MICAL3: variants seen among roughly 807,000 people sequenced by gnomAD.
MICAL3 encodes the protein microtubule associated monooxygenase, calponin and LIM domain containing 3.
In MICAL3, 62 loss-of-function variants were observed where a neutral mutation model predicts 207.4. The ratio of observed to expected loss-of-function variants is 0.30; its 90% CI spans 0.24 to 0.37. The LOEUF (loss-of-function observed/expected upper bound fraction) is 0.37, where lower values mean the gene tolerates loss of function less well. Among genes scored for constraint, MICAL3 ranks in the 10% least tolerant of loss-of-function variants. The pLI is 1.00. For missense variants in MICAL3, 2,368 were observed against 2,635.6 expected, an observed-to-expected ratio of 0.90 and a Z score of 2.22; for synonymous variants, 1,077 against 1,069.3, an observed-to-expected ratio of 1.01 and a Z score of -0.14.
intron 1 of MICAL3, among the ~76,000 whole-genome samples, chr22:17,948,074 T>C (rs932501148): frequency 1.3e-5 from 2 of 151,998 alleles, no homozygotes; most frequent in African/African-American, 4.8e-5. Context: ...GCACGAGAGC[T>C]TGAAAGCTCC....
chr22:17,800,037 G>T (rs903404604), intron 29 of MICAL3, among the ~76,000 whole-genome samples: 1 of 151,914 alleles, frequency 6.6e-6, no homozygotes, highest in Admixed American at 6.6e-5. Flanking sequence ...GAACCAAGCT[G>T]ATGGTGGACT....
chr22:17,897,647 G>A lies in MICAL3; in HGVS notation c.949-666C>T, dbSNP rs539849021. ...TTCATTATCTTCTGGGTAGTAAATG[G>A]CTTTTGTCAAATGGGACCACGTGAA... On this transcript the variant is annotated intron_variant, in intron 7 of 31. Transcript: ENST00000441493. Among the ~76,000 whole-genome samples the A allele has an allele frequency of 3.9e-5, 6 of 152,142 alleles. No individual in the cohort carries two copies. In the South Asian group the frequency reaches 1.0e-3, roughly 26 times the overall value.
chr22:17,882,336 T>C (rs1929513431), intron 16 of MICAL3, among the ~76,000 whole-genome samples: 1 of 152,212 alleles, frequency 6.6e-6, no homozygotes, highest in East Asian at 1.9e-4. Context: ...CAGCTATCAC[T>C]GTCCTACCAG....
chr22:17,864,812 T>C, intron 19 of MICAL3, 87 bp downstream of exon 19: 1 of 1,613,902 alleles, frequency 6.2e-7, no homozygotes, highest in Non-Finnish European at 8.5e-7. Flanking sequence ...GAAATGTTGC[T>C]TTGGAGGTGC....
intron 1 of MICAL3, among the ~76,000 whole-genome samples, chr22:17,995,923 G>A (rs1391636706): frequency 2.0e-5 from 3 of 152,020 alleles, no homozygotes; most frequent in Non-Finnish European, 2.9e-5. Flanking sequence ...CACTTTGAGA[G>A]GCTGAGGCAG....
intron 1 of MICAL3, among the ~76,000 whole-genome samples, chr22:17,957,789 T>A (rs967857987): frequency 1.3e-5 from 2 of 151,502 alleles, no homozygotes; most frequent in Non-Finnish European, 2.9e-5. Context: ...AAAGAAACTT[T>A]CTTTCTTTAC....
At chr22:17,869,139 A>G (rs1602097647) in intron 17 of MICAL3, among the ~76,000 whole-genome samples, 1 of 152,154 alleles carries the variant, frequency 6.6e-6, no homozygotes, top group African/African-American at 2.4e-5. Context: ...ACACTGGAGC[A>G]AAGAGTGCAG....
chr22:17,831,763 G>A, intron 21 of MICAL3, 91 bp downstream of exon 21: 1 of 1,491,720 alleles, frequency 6.7e-7, no homozygotes, highest in Non-Finnish European at 9.0e-7. Context: ...ACGTCCGTGT[G>A]ACGTCAGCCC....
At chr22:17,930,998 T>C (rs988942755) in intron 1 of MICAL3, among the ~76,000 whole-genome samples, 2 of 152,168 alleles carry the variant, frequency 1.3e-5, no homozygotes, top group Admixed American at 1.3e-4. Context: ...CCTCCTCCGG[T>C]GGCTCCACCT....
At chr22:17,970,467 A>G (rs531019475) in intron 1 of MICAL3, among the ~76,000 whole-genome samples, 12 of 152,276 alleles carry the variant, frequency 7.9e-5, no homozygotes, top group African/African-American at 2.9e-4. Context: ...GTCAGATAAC[A>G]GAACTCTGCA....
chr22:17,982,111 TA>T lies in MICAL3; in HGVS notation c.-75+42169del, dbSNP rs71184754. On this transcript the variant is annotated intron_variant, in intron 1 of 31. Transcript: ENST00000441493. ...CAGAGCAAGACCTTGTCTCAAAAAA[TA>T]AAAAAAAAAAAATTAATAAGAGGCT... Among the ~76,000 whole-genome samples the T allele has an allele frequency of 8.9e-4, 127 of 143,090 alleles. 1 individual carries two copies. Among genetic ancestry groups the T allele is most frequent in the East Asian group, 6.2e-3 (29 of 4,692 alleles). The allele number at this position is 143,090 out of a possible 152,430, so 93.9% of individuals were successfully genotyped here. A position where few individuals can be genotyped will look rare whatever the true frequency, so the allele number is the denominator to read the frequency against.
At chr22:17,853,365 T>C (rs956303296) in intron 19 of MICAL3, among the ~76,000 whole-genome samples, 8 of 152,176 alleles carry the variant, frequency 5.3e-5, no homozygotes, top group African/African-American at 1.4e-4. Flanking sequence ...CCAGCTTCTG[T>C]TGGCTGAAGA....
chr22:17,981,286 A>AT (rs71317115), intron 1 of MICAL3, among the ~76,000 whole-genome samples: 1,981 of 146,200 alleles, frequency 0.014, 35 homozygotes, highest in African/African-American at 0.046. Context: ...GCTTTCCTAG[A>AT]TTTTTTTTTT....
At position 17,974,903 on chromosome 22, in the gene MICAL3, G is replaced by A. The variant is rs533387277; in HGVS notation, c.-75+49378C>T. Among the ~76,000 whole-genome samples, 4 of 152,274 alleles carry A rather than the reference G, an allele frequency of 2.6e-5. No homozygotes were observed. In the East Asian group the frequency reaches 5.8e-4, roughly 22 times the overall value. ...ATAACCTCATGAGGTAGATTCTGTG[G>A]ATGAAGAAACAGAAATTGAGTCATT... On this transcript the variant is annotated intron_variant, in intron 1 of 31. Transcript: ENST00000441493.
chr22:17,887,476 G>A, intron 13 of MICAL3, 41 bp from the exon 14 acceptor site: 1 of 1,439,100 alleles, frequency 6.9e-7, no homozygotes, highest in Non-Finnish European at 9.7e-7. Flanking sequence ...CAGCCCTTGA[G>A]GGCGCCGCAA....
At chr22:17,870,200 T>A (rs945064186) in intron 17 of MICAL3, among the ~76,000 whole-genome samples, 2 of 152,160 alleles carry the variant, frequency 1.3e-5, no homozygotes, top group Non-Finnish European at 2.9e-5. Context: ...TCATCCTGTC[T>A]CGGCCTCTCA....
chr22:17,797,410 C>T (rs2061888029), intron 29 of MICAL3, among the ~76,000 whole-genome samples: 1 of 152,192 alleles, frequency 6.6e-6, no homozygotes, highest in South Asian at 2.1e-4. Context: ...GGGAGGGCTG[C>T]TTGAGCCCGG....
At chr22:17,925,648 T>C (rs1462372863) in intron 1 of MICAL3, among the ~76,000 whole-genome samples, 7 of 152,200 alleles carry the variant, frequency 4.6e-5, no homozygotes, top group Non-Finnish European at 8.8e-5. Context: ...CTGGAGGACC[T>C]GGAAACTTAA....
intron 19 of MICAL3, among the ~76,000 whole-genome samples, chr22:17,856,887 C>A (rs994830098): frequency 2.0e-5 from 3 of 152,142 alleles, no homozygotes; most frequent in African/African-American, 7.2e-5. Flanking sequence ...TCCCAAAGTG[C>A]TGGGATTACA....
Sources: gnomAD v4.1 joint callset for allele counts (sites outside exome capture counted in the v4.1 genomes callset) on GRCh38, gnomAD v4.1.1 for gene constraint, MANE v1.5 for transcripts, NCBI Gene and HGNC (gene_info 2026-07-23, HGNC 2026-07-21) for gene names.